Variants in CCDC91 observed in about 807,000 individuals in gnomAD.
The protein encoded by CCDC91 is coiled-coil domain containing 91.
Under a neutral mutation model 63.2 loss-of-function variants are expected in CCDC91, and 48 were observed. The observed-to-expected ratio is 0.76, with a 90% CI of 0.60 to 0.97. CCDC91 has a LOEUF of 0.97. CCDC91 is among the 50% of genes least tolerant of loss of function. The probability of loss-of-function intolerance (pLI) is 0.00; values close to 1 mark genes in which losing one functional copy is unlikely to be tolerated. For synonymous variants in CCDC91, 167 were observed against 165.8 expected (o/e 1.01, Z -0.06); for missense variants, 500 against 494.6 (o/e 1.01, Z -0.10).
intron 6 of CCDC91, among the ~76,000 whole-genome samples, chr12:28,359,486 A>G (rs972260855): frequency 1.2e-4 from 18 of 152,186 alleles, no homozygotes; most frequent in Admixed American, 4.6e-4. Flanking sequence ...AGGTATTGTC[A>G]AGAAAGAAAG....
chr12:28,429,085 T>C (rs895218290), intron 8 of CCDC91, among the ~76,000 whole-genome samples: 2 of 152,172 alleles, frequency 1.3e-5, no homozygotes, highest in Non-Finnish European at 2.9e-5. Context: ...TGGTTGGTGT[T>C]GATGTCCAGC....
chr12:28,401,186 T>C (rs1024141454), intron 8 of CCDC91, among the ~76,000 whole-genome samples: 4 of 152,148 alleles, frequency 2.6e-5, no homozygotes, highest in Non-Finnish European at 5.9e-5. Flanking sequence ...GGGTAATTTA[T>C]AAAGGAAAGA....
Position 28,510,092 on chromosome 12 carries a change from TGGTTTTTGATAATAAATTGAAATAAA to T in CCDC91, c.1215+25928_1215+25953del, listed in dbSNP as rs573105955. ...TTGAAATTGCAAAGGATGGAGAAGCTGGTTTTTGATAATAAATTGAAATAAAAGAGTTTCCCTGAAAGTCTTTCATG... is the reference window on the plus strand; with the variant it reads ...TTGAAATTGCAAAGGATGGAGAAGCTAGAGTTTCCCTGAAAGTCTTTCATG... On this transcript the variant is annotated intron_variant, in intron 12 of 12. Transcript: ENST00000536442. 1.5e-3 allele frequency among the ~76,000 whole-genome samples: 223 copies of T among 151,968 alleles called. 2 individuals are homozygous for T. The South Asian group carries it at 0.044, about 30-fold the overall frequency.
At chr12:28,371,459 C>A (rs557556000) in intron 7 of CCDC91, among the ~76,000 whole-genome samples, 1 of 152,156 alleles carries the variant, frequency 6.6e-6, no homozygotes, top group Non-Finnish European at 1.5e-5. Context: ...ATACCGTTTC[C>A]TGGTGCCAAA....
At chr12:28,378,737 T>A (rs561878267) in intron 7 of CCDC91, among the ~76,000 whole-genome samples, 16 of 152,190 alleles carry the variant, frequency 1.1e-4, no homozygotes, top group Non-Finnish European at 2.1e-4. Flanking sequence ...CCTGGACAAA[T>A]AAAGATGTTT....
At chr12:28,213,089 T>G (rs924843328) in intron 1 of CCDC91, among the ~76,000 whole-genome samples, 3 of 152,202 alleles carry the variant, frequency 2.0e-5, no homozygotes, top group Admixed American at 1.3e-4. Flanking sequence ...CTGATGAGTC[T>G]TCTTTGCCAG....
chr12:28,408,862 C>T (rs372750951), intron 8 of CCDC91, among the ~76,000 whole-genome samples: 42 of 152,128 alleles, frequency 2.8e-4, no homozygotes, highest in African/African-American at 8.4e-4. Context: ...AGGCTGCTCT[C>T]GAACTCCTGA....
chr12:28,428,481 A>C (rs990789050), intron 8 of CCDC91, among the ~76,000 whole-genome samples: 14 of 148,986 alleles, frequency 9.4e-5, no homozygotes, highest in African/African-American at 3.5e-4. Context: ...AGGCAGGAGA[A>C]TCGCTTGAAC....
chr12:28,400,305 C>T (rs1005157151), intron 8 of CCDC91, among the ~76,000 whole-genome samples: 8 of 152,112 alleles, frequency 5.3e-5, no homozygotes, highest in Non-Finnish European at 8.8e-5. Flanking sequence ...GCTGAAGCAG[C>T]TGGGATGCAG....
At chr12:28,522,915 T>G (rs1940870162) in intron 12 of CCDC91, among the ~76,000 whole-genome samples, 2 of 152,208 alleles carry the variant, frequency 1.3e-5, no homozygotes, top group South Asian at 4.1e-4. Flanking sequence ...GAGTTCTAGT[T>G]TGATTGCCCT....
At chr12:28,218,455 G>A (rs1323003415) in intron 1 of CCDC91, among the ~76,000 whole-genome samples, 2 of 111,660 alleles carry the variant, frequency 1.8e-5, no homozygotes, top group African/African-American at 6.4e-5. Flanking sequence ...CAAGCTGGAA[G>A]ACAAAATTAA....
At chr12:28,405,701 G>T (rs1459179198) in intron 8 of CCDC91, among the ~76,000 whole-genome samples, 1 of 152,128 alleles carries the variant, frequency 6.6e-6, no homozygotes, top group Non-Finnish European at 1.5e-5. Context: ...TTCAACATGT[G>T]ACATCAGAAT....
chr12:28,335,945 T>C (rs1317522861), intron 6 of CCDC91, among the ~76,000 whole-genome samples: 2 of 151,840 alleles, frequency 1.3e-5, no homozygotes, highest in Non-Finnish European at 2.9e-5. Flanking sequence ...GGACTGTTTT[T>C]TTTTTTTAAA....
intron 12 of CCDC91, among the ~76,000 whole-genome samples, chr12:28,546,715 T>G (rs1943014108): frequency 6.6e-6 from 1 of 151,842 alleles, no homozygotes; most frequent in East Asian, 1.9e-4. Context: ...ATTATAACTA[T>G]AAAATGAAAA....
chr12:28,218,056 C>A (rs1481260905), intron 1 of CCDC91, among the ~76,000 whole-genome samples: 1 of 152,140 alleles, frequency 6.6e-6, no homozygotes. Context: ...TCTGTTCTCA[C>A]TTCCTCCATC....
At chr12:28,413,298 G>GAAA (rs1947435352) in intron 8 of CCDC91, among the ~76,000 whole-genome samples, 2 of 152,044 alleles carry the variant, frequency 1.3e-5, no homozygotes, top group South Asian at 4.1e-4. Flanking sequence ...TGAAGCAGAA[G>GAAA]AAAATATTCT....
intron 3 of CCDC91, among the ~76,000 whole-genome samples, chr12:28,279,084 C>T (rs1247706856): frequency 6.6e-6 from 1 of 151,640 alleles, no homozygotes; most frequent in Non-Finnish European, 1.5e-5. Context: ...TCCTCTTTTT[C>T]TTACCTTTCC....
chr12:28,374,015 C>G (rs1341575913), intron 7 of CCDC91, among the ~76,000 whole-genome samples: 2 of 152,092 alleles, frequency 1.3e-5, no homozygotes, highest in Non-Finnish European at 2.9e-5. Context: ...TCAATTAAAC[C>G]TCTTTTCTTG....
intron 7 of CCDC91, among the ~76,000 whole-genome samples, chr12:28,363,245 A>G (rs12371222): frequency 0.2 from 30,715 of 152,020 alleles, 4,073 homozygotes; most frequent in Non-Finnish European, 0.3. Context: ...GCTCATAACA[A>G]GCTATATAGT....
Sources: allele counts gnomAD v4.1 joint callset (sites outside exome capture counted in the v4.1 genomes callset), GRCh38; gene constraint gnomAD v4.1.1; transcripts MANE v1.5; gene names NCBI Gene and HGNC (gene_info 2026-07-23, HGNC 2026-07-21).